Variants in CEP85L observed in about 807,000 individuals in gnomAD.
The protein encoded by CEP85L is centrosomal protein of 85 kDa-like.
A neutral mutation model predicts 100.3 loss-of-function variants in CEP85L; 60 were observed. The observed-to-expected ratio is 0.60, with a 90% confidence interval of 0.49 to 0.74. CEP85L has a LOEUF of 0.74. CEP85L is among the 30% of genes least tolerant of loss of function. CEP85L has a pLI of 0.00. For synonymous variants in CEP85L, 319 were observed against 322.7 expected, an observed-to-expected ratio of 0.99 and a Z score of 0.12; for missense variants, 973 against 936.2, an observed-to-expected ratio of 1.04 and a Z score of -0.51.
At chr6:118,504,205 C>G (rs1379263653) in intron 5 of CEP85L, among the ~76,000 whole-genome samples, 1 of 151,990 alleles carries the variant, frequency 6.6e-6, no homozygotes, top group Non-Finnish European at 1.5e-5. Flanking sequence ...GAAACCCTGT[C>G]TCTCACTAAA....
intron 2 of CEP85L, among the ~76,000 whole-genome samples, chr6:118,586,360 C>A (rs1780862362): frequency 6.6e-6 from 1 of 152,208 alleles, no homozygotes; most frequent in African/African-American, 2.4e-5. Flanking sequence ...CATGTAACCT[C>A]TCTGGCTCAC....
At chr6:118,529,728 T>C (rs1471203532) in intron 3 of CEP85L, among the ~76,000 whole-genome samples, 2 of 151,604 alleles carry the variant, frequency 1.3e-5, no homozygotes, top group African/African-American at 4.8e-5. Flanking sequence ...TATGATGCCA[T>C]AGCAACTTTG....
Position 118,569,832 on chromosome 6 carries a change from A to G in CEP85L, c.233-3516T>C, listed in dbSNP as rs559197664. 7.4e-4 allele frequency among the ~76,000 whole-genome samples: 112 copies of G among 152,212 alleles called. No homozygotes were observed. The Middle Eastern group carries it at 0.017, about 23-fold the overall frequency. ...TTTTAAAATAGGCCAAAAAAATTCA[A>G]TAAGTAAATAAACAAGAAACACAAC... On this transcript the variant is annotated intron_variant, in intron 2 of 12. Coordinates refer to ENST00000368491, the MANE Select transcript of CEP85L (RefSeq NM_001042475.3).
chr6:118,565,569 T>A lies in CEP85L; in HGVS notation c.980A>T (p.Gln327Leu), dbSNP rs750650287. The change falls in exon 3 of 13, where the codon CAA (glutamine) becomes CTA (leucine). Residue 327 changes from glutamine (Q) to leucine (L), a missense_variant. Physicochemically the swap from Gln to Leu is moderately radical, Grantham distance 113. This residue lies in a region of CEP85L where 890 missense variants were observed against 844.5 expected (regional missense o/e 1.05). Transcript: ENST00000368491. ...SYSLAPWQQQ[Q>L]IEDFRQGSET... ...ACTTCCTTGTCGAAAGTCTTCAATTTGCTGCTGTTGCCAAGGAGCTAAACT... is the reference window on the plus strand; with the variant it reads ...ACTTCCTTGTCGAAAGTCTTCAATTAGCTGCTGTTGCCAAGGAGCTAAACT... The A allele has an allele frequency of 6.2e-7, 1 of 1,614,212 alleles. No individual in the cohort carries two copies. The highest frequency in any genetic ancestry group is 1.7e-5 in the Admixed American group (1 of 60,028).
rs369997155 is a variant in CEP85L at position 118,509,433 on chromosome 6, C to T, written c.1257+1865G>A. Among the ~76,000 whole-genome samples the T allele has an allele frequency of 2.0e-3, 309 of 152,128 alleles. 11 individuals carry two copies. The South Asian group carries it at 0.06, about 30-fold the overall frequency. ...ATTATTCTCAGTACTCATTATAAAG[C>T]CTTGCTATCATGTGACAGAAGTCCA... On this transcript the variant is annotated intron_variant, in intron 5 of 12. Transcript: ENST00000368491.
chr6:118,569,775 C>T (rs1779775635), intron 2 of CEP85L, among the ~76,000 whole-genome samples: 1 of 150,462 alleles, frequency 6.6e-6, no homozygotes, highest in Non-Finnish European at 1.5e-5. Flanking sequence ...AGAGCTTCAA[C>T]AAATCAACAA....
intron 10 of CEP85L, among the ~76,000 whole-genome samples, chr6:118,474,051 C>T (rs953318067): frequency 6.6e-6 from 1 of 152,118 alleles, no homozygotes; most frequent in Non-Finnish European, 1.5e-5. Context: ...AACAATCTGC[C>T]TGGAGTTTTG....
At chr6:118,593,148 G>A (rs1400049267) in intron 2 of CEP85L, among the ~76,000 whole-genome samples, 1 of 152,102 alleles carries the variant, frequency 6.6e-6, no homozygotes, top group Non-Finnish European at 1.5e-5. Flanking sequence ...TTCAAAATTA[G>A]TAGTTGCCTA....
intron 10 of CEP85L, among the ~76,000 whole-genome samples, chr6:118,472,938 C>A (rs1219652799): frequency 1.3e-5 from 2 of 152,112 alleles, no homozygotes; most frequent in African/African-American, 4.8e-5. Flanking sequence ...ACGTAAGTAT[C>A]CAGAAATGCC....
intron 1 of CEP85L, among the ~76,000 whole-genome samples, chr6:118,707,401 C>T (rs183253707): frequency 7.2e-5 from 11 of 151,818 alleles, no homozygotes; most frequent in African/African-American, 2.4e-4. Context: ...GCCATGTTGC[C>T]CAGGATGGAA....
At chr6:118,679,040 G>C (rs2638545) in intron 1 of CEP85L, among the ~76,000 whole-genome samples, 69,011 of 152,106 alleles carry the variant, frequency 0.45, 16,289 homozygotes, top group African/African-American at 0.57. Context: ...TTTCTTTGAG[G>C]CCATGCTTTG....
intron 1 of CEP85L, among the ~76,000 whole-genome samples, chr6:118,682,084 T>C (rs1041333214): frequency 6.6e-6 from 1 of 152,184 alleles, no homozygotes; most frequent in African/African-American, 2.4e-5. Flanking sequence ...TTACTTCTAA[T>C]CATAATATTT....
chr6:118,651,779 C>G (rs368477340), upstream of CEP85L: 1 of 985,834 alleles, frequency 1.0e-6, no homozygotes, highest in African/African-American at 1.7e-5. Flanking sequence ...GTCCCGCCCT[C>G]CCGCCGCATC....
At chr6:118,625,936 G>A (rs920601602) in intron 2 of CEP85L, among the ~76,000 whole-genome samples, 3 of 151,942 alleles carry the variant, frequency 2.0e-5, no homozygotes, top group Non-Finnish European at 4.4e-5. Context: ...AGCTTCTACC[G>A]AGGACCCCAG....
chr6:118,600,301 GT>G (rs201477626), intron 2 of CEP85L, among the ~76,000 whole-genome samples: 7,785 of 30,016 alleles, frequency 0.26, 1,847 homozygotes, highest in South Asian at 0.33. Context: ...CTTCCTGGGG[GT>G]GTGTGTGTGT....
At chr6:118,643,886 T>G (rs908567145) in intron 1 of CEP85L, among the ~76,000 whole-genome samples, 4 of 152,188 alleles carry the variant, frequency 2.6e-5, no homozygotes, top group Non-Finnish European at 5.9e-5. Context: ...GGTCAAGACT[T>G]GGCCACTGTT....
chr6:118,652,615 T>C, upstream of CEP85L: 1 of 1,517,218 alleles, frequency 6.6e-7, no homozygotes, highest in African/African-American at 1.4e-5. Flanking sequence ...ATTTGCATTT[T>C]TCCCTTAAAG....
intron 4 of CEP85L, among the ~76,000 whole-genome samples, chr6:118,521,421 C>T (rs1473722105): frequency 6.6e-6 from 1 of 152,120 alleles, no homozygotes; most frequent in Non-Finnish European, 1.5e-5. Flanking sequence ...ATCAAATGCA[C>T]TGATTATCAA....
intron 1 of CEP85L, among the ~76,000 whole-genome samples, chr6:118,691,169 C>G (rs923538272): frequency 3.2e-5 from 2 of 62,450 alleles, no homozygotes; most frequent in Admixed American, 2.4e-4. Flanking sequence ...AATCCCGACA[C>G]TTTGAGATGC....
Sources: allele counts gnomAD v4.1 joint callset (sites outside exome capture counted in the v4.1 genomes callset), GRCh38; gene constraint gnomAD v4.1.1; regional missense constraint gnomAD v4.1.1; transcripts MANE v1.5; gene names NCBI Gene and HGNC (gene_info 2026-07-23, HGNC 2026-07-21).